The following SSR1 variants were observed in gnomAD, a reference collection of about 807,000 sequenced individuals.
SSR1 encodes the protein translocon-associated protein subunit alpha.
SSR1 carries 13 observed loss-of-function variants against 36.1 expected under a neutral mutation model. That is an observed-to-expected ratio of 0.36 (90% CI 0.23 to 0.57). The LOEUF (loss-of-function observed/expected upper bound fraction) is 0.57. Among genes scored for constraint, SSR1 ranks in the 20% least tolerant of loss-of-function variants. The pLI, the probability that SSR1 is intolerant of heterozygous loss-of-function variation, is 0.81. For missense variants in SSR1, 291 were observed against 338.5 expected (o/e 0.86, Z 1.10); for synonymous variants, 113 against 118.9 (o/e 0.95, Z 0.32).
intron 2 of SSR1, among the ~76,000 whole-genome samples, chr6:7,307,625 C>T (rs897184136): frequency 4.6e-5 from 7 of 152,202 alleles, no homozygotes; most frequent in Non-Finnish European, 8.8e-5. Flanking sequence ...CACTGTAACA[C>T]TGAACTTCTG....
In SSR1 at chr6:7,299,012, A is replaced by G. The variant is rs1448370920; in HGVS notation, c.544-189T>C. On this transcript the variant is annotated intron_variant, in intron 4 of 7. Transcript: ENST00000244763. The stretch of plus-strand genomic sequence containing the variant: ...TCAACATTGTTATTTTCTCACATGA[A>G]ATAAAGTCTCTGGGCCAGGTGAGAT... The G allele has an allele frequency of 7.3e-5, 42 of 575,474 alleles. No homozygotes were observed. The Admixed American group carries it at 1.3e-3, about 17-fold the overall frequency. The allele number at this position is 575,474 out of a possible 1,614,324, so 35.6% of individuals were successfully genotyped here.
chr6:7,290,848 C>T (rs1757665328), intron 7 of SSR1, among the ~76,000 whole-genome samples: 1 of 151,994 alleles, frequency 6.6e-6, no homozygotes, highest in Admixed American at 6.5e-5. Context: ...TCTCACCCCC[C>T]AAATTATGAG....
At chr6:7,306,902 G>A (rs1174198389) in intron 2 of SSR1, among the ~76,000 whole-genome samples, 1 of 144,648 alleles carries the variant, frequency 6.9e-6, no homozygotes, top group Non-Finnish European at 1.5e-5. Context: ...GGGCGACAGA[G>A]CGAGACTCTG....
rs1312800982 is a variant in SSR1, at chr6:7,283,054, T to A, written c.*6810A>T. The A allele has an allele frequency of 6.6e-6, 1 of 152,208 alleles. No individual in the cohort carries two copies. Among genetic ancestry groups the A allele is most frequent in the East Asian group, 1.9e-4 (1 of 5,194 alleles). 9.4% of individuals were successfully genotyped at this position (152,208 alleles called of 1,614,324 possible). On this transcript the variant is annotated 3_prime_UTR_variant, in exon 8 of 8. Transcript: ENST00000244763. ...CAGTCTTGTCTTTATTTATTTATTT[T>A]TTAATTGTTAGTAGCTTTTACTTAT...
In SSR1 at chr6:7,284,775, G is replaced by GT. The variant is rs1162456811; in HGVS notation, c.*5088dup. The GT allele has an allele frequency of 6.6e-6, 1 of 150,884 alleles. No homozygotes were observed. Among genetic ancestry groups the GT allele is most frequent in the East Asian group, 1.9e-4 (1 of 5,140 alleles). The allele number at this position is 150,884 out of a possible 1,614,324, so 9.3% of individuals were successfully genotyped here. A position where few individuals can be genotyped will look rare whatever the true frequency, so the allele number is the denominator to read the frequency against. ...AGGTTTAAGGGAAGAATCATTTATA[G>GT]TAACACTGAATTAAGTAAGGGTTTG... On this transcript the variant is annotated 3_prime_UTR_variant, in exon 8 of 8. Transcript: ENST00000244763.
intron 2 of SSR1, among the ~76,000 whole-genome samples, chr6:7,309,571 G>C (rs1315701640): frequency 6.6e-6 from 1 of 152,226 alleles, no homozygotes; most frequent in Admixed American, 6.5e-5. Flanking sequence ...TGCACATCGT[G>C]GGAGGAACCT....
At chr6:7,305,539 A>G (rs941273301) in intron 2 of SSR1, among the ~76,000 whole-genome samples, 19 of 152,230 alleles carry the variant, frequency 1.2e-4, no homozygotes, top group African/African-American at 4.1e-4. Context: ...ATGTGGATGA[A>G]CAGTATAAGC....
chr6:7,304,601 C>T (rs910562726), intron 2 of SSR1, among the ~76,000 whole-genome samples: 2 of 152,116 alleles, frequency 1.3e-5, no homozygotes, highest in Non-Finnish European at 2.9e-5. Context: ...GGTAAATTTA[C>T]TAAGTGTATG....
chr6:7,289,660 T>A lies in SSR1; in HGVS notation c.*204A>T. On this transcript the variant is annotated 3_prime_UTR_variant, in exon 8 of 8. Coordinates refer to ENST00000244763, the MANE Select transcript of SSR1 (RefSeq NM_003144.5). ...CGCACACACATAGATTTTAATGGTT[T>A]AAAAAAAAACCAAATTTGTTACTTT... 1.8e-6 allele frequency: 1 copy of A among 549,422 alleles called. No homozygotes were observed. The highest frequency in any genetic ancestry group is 3.1e-6 in the Non-Finnish European group (1 of 321,310). The allele number at this position is 549,422 out of a possible 1,614,324, so 34.0% of individuals were successfully genotyped here.
At chr6:7,307,250 C>T (rs938323681) in intron 2 of SSR1, among the ~76,000 whole-genome samples, 1 of 152,216 alleles carries the variant, frequency 6.6e-6, no homozygotes, top group Non-Finnish European at 1.5e-5. Context: ...AGACAGTCTA[C>T]ACACAAGCCT....
At chr6:7,296,612 A>G (rs1757799760) in intron 6 of SSR1, among the ~76,000 whole-genome samples, 1 of 151,950 alleles carries the variant, frequency 6.6e-6, no homozygotes, top group Non-Finnish European at 1.5e-5. Flanking sequence ...TTTCCCACTG[A>G]GAGAAATAGT....
At position 7,288,509 on chromosome 6, in the gene SSR1, CTGTG is replaced by C. The variant is rs1205429591; in HGVS notation, c.*1351_*1354del. 6.6e-6 allele frequency: 1 copy of C among 152,170 alleles called. No homozygotes were observed. Among genetic ancestry groups the C allele is most frequent in the African/African-American group, 2.4e-5 (1 of 41,300 alleles). The allele number at this position is 152,170 out of a possible 1,614,324, so 9.4% of individuals were successfully genotyped here. On this transcript the variant is annotated 3_prime_UTR_variant, in exon 8 of 8. Transcript: ENST00000244763. The stretch of plus-strand genomic sequence containing the variant: ...TGTGTATTTCGTTTTGTTTTTTTGT[CTGTG>C]TGGGCATGAGCATAGGGGAGGTTAT...
intron 1 of SSR1, among the ~76,000 whole-genome samples, 196 bp from the exon 2 acceptor site, chr6:7,310,225 T>C (rs1758160244): frequency 2.3e-5 from 1 of 44,196 alleles, no homozygotes; most frequent in Non-Finnish European, 4.3e-5. Flanking sequence ...TGCATATCAA[T>C]TTTTTTTTTT....
chr6:7,298,105 T>C, intron 5 of SSR1, 104 bp from the exon 6 acceptor site: 2 of 860,178 alleles, frequency 2.3e-6, no homozygotes, highest in Non-Finnish European at 3.5e-6. Context: ...CCAAATAACT[T>C]GTGGCGAAAA....
rs764832167 is a variant in SSR1, at chr6:7,310,033, A to G, written c.80-4T>C. 3 of 1,604,142 alleles carry G rather than the reference A, an allele frequency of 1.9e-6. No individual in the cohort carries two copies. The highest frequency in any genetic ancestry group is 1.7e-6 in the Non-Finnish European group (2 of 1,171,442). On this transcript the variant is annotated splice_polypyrimidine_tract_variant and splice_region_variant and intron_variant, in intron 1 of 7. Transcript: ENST00000244763. ...TCTTGTGCCACTGCTAACAAGCCTA[A>G]TGATAAAATACAGAAAAAGCAGTTA...
intron 2 of SSR1, among the ~76,000 whole-genome samples, chr6:7,306,233 C>G (rs1297383906): frequency 6.6e-6 from 1 of 152,182 alleles, no homozygotes; most frequent in Non-Finnish European, 1.5e-5. Flanking sequence ...AGCTCTGCCT[C>G]CCAGGTTCAC....
Position 7,301,395 on chromosome 6 carries a change from G to A in SSR1, c.458C>T (p.Thr153Ile). 1.2e-6 allele frequency: 2 copies of A among 1,614,182 alleles called. No individual in the cohort carries two copies. The highest frequency in any genetic ancestry group is 1.7e-6 in the Non-Finnish European group (2 of 1,180,036). ...TGCAGGAATGAAAGAGTACTCAAAA[G>A]TTGCCTGTCTCTGGGGTGGCACTAC... ...NTVVPPQRQA[T>I]FEYSFIPAEP... is the part of the protein sequence containing the mutation. Residue 153 changes from threonine to isoleucine, a missense_variant, in exon 4 of 8, where the codon ACT (threonine) becomes ATT (isoleucine). Physicochemically the swap from Thr to Ile is moderately conservative, Grantham distance 89 (BLOSUM62 -1). Coordinates refer to ENST00000244763, the MANE Select transcript of SSR1 (RefSeq NM_003144.5).
chr6:7,309,832 T>A, intron 2 of SSR1, 85 bp downstream of exon 2: 1 of 1,119,310 alleles, frequency 8.9e-7, no homozygotes, highest in Non-Finnish European at 1.4e-6. Context: ...TTACCCAGTC[T>A]TGGGTATGTC....
intron 6 of SSR1, among the ~76,000 whole-genome samples, chr6:7,295,931 T>A (rs1757785570): frequency 6.6e-6 from 1 of 152,242 alleles, no homozygotes; most frequent in Non-Finnish European, 1.5e-5. Flanking sequence ...ATTTATACAA[T>A]GACTTTATTT....
Sources: gnomAD v4.1 joint callset for allele counts (sites outside exome capture counted in the v4.1 genomes callset) on GRCh38, gnomAD v4.1.1 for gene constraint, MANE v1.5 for transcripts, NCBI Gene and HGNC (gene_info 2026-07-23, HGNC 2026-07-21) for gene names.